The following CSMD1 variants were observed in gnomAD, a reference collection of about 807,000 sequenced individuals.
The protein encoded by CSMD1 is CUB and Sushi multiple domains 1.
A neutral mutation model predicts 417.5 loss-of-function variants in CSMD1; 213 were observed. The observed-to-expected ratio is 0.51, with a 90% CI of 0.46 to 0.57. The LOEUF is 0.57. CSMD1 is among the 20% of genes least tolerant of loss of function. The probability of loss-of-function intolerance (pLI) is 0.00; values close to 1 mark genes in which losing one functional copy is unlikely to be tolerated. For synonymous variants in CSMD1, 2,862 were observed against 1,736.8 expected, an observed-to-expected ratio of 1.65 and a Z score of -16.11; for missense variants, 6,923 against 4,529.7, an observed-to-expected ratio of 1.53 and a Z score of -15.17.
In CSMD1 at chr8:3,396,391, T is replaced by G. The variant is rs764380083; in HGVS notation, c.2406-10A>C. On this transcript the variant is annotated splice_polypyrimidine_tract_variant and intron_variant, in intron 16 of 69. Transcript: ENST00000635120. ...GACCTCTGTCTGAAATCTGCAAATA[T>G]ATACATCCCATCAGAAAAGACATGC... 5 of 1,544,838 alleles carry G rather than the reference T, an allele frequency of 3.2e-6. No individual in the cohort carries two copies. Among genetic ancestry groups the G allele is most frequent in the Non-Finnish European group, 3.5e-6 (4 of 1,144,452 alleles).
intron 3 of CSMD1, among the ~76,000 whole-genome samples, chr8:4,193,920 C>A (rs959013328): frequency 6.6e-6 from 1 of 151,722 alleles, no homozygotes; most frequent in Non-Finnish European, 1.5e-5. Flanking sequence ...GGAGAAAGTA[C>A]AATGTTTAAT....
At chr8:4,089,661 G>A (rs1800610462) in intron 3 of CSMD1, among the ~76,000 whole-genome samples, 1 of 152,072 alleles carries the variant, frequency 6.6e-6, no homozygotes, top group Admixed American at 6.6e-5. Context: ...TGTGTTAATG[G>A]GCTTAGTAAA....
chr8:4,413,322 G>T (rs548737066), intron 3 of CSMD1, among the ~76,000 whole-genome samples: 1 of 152,076 alleles, frequency 6.6e-6, no homozygotes, highest in African/African-American at 2.4e-5. Flanking sequence ...AACTACGCTC[G>T]TGGGGCTGCC....
rs185137416 is a variant in CSMD1, at chr8:4,079,205, T to G, written c.416-47106A>C. On this transcript the variant is annotated intron_variant, in intron 3 of 69. Transcript: ENST00000635120. ...GCTAATGTTTTAGTCTATAGAGACATGCCCACTGTTTGGTGGGAAACAACT... is the reference window on the plus strand; with the variant it reads ...GCTAATGTTTTAGTCTATAGAGACAGGCCCACTGTTTGGTGGGAAACAACT... Among the ~76,000 whole-genome samples the G allele has an allele frequency of 4.6e-3, 698 of 152,210 alleles. 3 individuals are homozygous for G. Among genetic ancestry groups the G allele is most frequent in the Admixed American group, 0.011 (169 of 15,278 alleles).
intron 3 of CSMD1, among the ~76,000 whole-genome samples, chr8:4,076,322 G>T (rs1307721643): frequency 2.6e-5 from 4 of 152,198 alleles, no homozygotes; most frequent in Middle Eastern, 3.2e-3. Context: ...AGGCCTCCCA[G>T]CCTTGCAGAA....
chr8:3,732,842 A>T (rs1034433271), intron 6 of CSMD1, among the ~76,000 whole-genome samples: 1 of 152,078 alleles, frequency 6.6e-6, no homozygotes, highest in South Asian at 2.1e-4. Context: ...GTGATTCAAG[A>T]CTATTTTGAA....
rs1392324658 is a variant in CSMD1 at position 4,453,810 on chromosome 8, G to GTTT, written c.303-33748_303-33746dup. ...GTTCCCGAACAAGATTGCGCAATTC[G>GTTT]TTTCTTTTTTTTTTTTTTTTTTTTT... is the stretch of plus-strand genomic sequence containing the variant. On this transcript the variant is annotated intron_variant, in intron 2 of 69. Coordinates refer to ENST00000635120, the MANE Select transcript of CSMD1 (RefSeq NM_033225.6). Among the ~76,000 whole-genome samples the GTTT allele has an allele frequency of 1.3e-3, 122 of 92,998 alleles. 3 individuals are homozygous for GTTT. The highest frequency in any genetic ancestry group is 2.8e-3 in the African/African-American group (72 of 25,790). 61.0% of individuals were successfully genotyped at this position (92,998 alleles called of 152,430 possible).
intron 12 of CSMD1, among the ~76,000 whole-genome samples, chr8:3,415,664 A>G (rs1192077066): frequency 2.0e-5 from 3 of 152,146 alleles, no homozygotes; most frequent in Non-Finnish European, 4.4e-5. Context: ...CTGGCCTTGT[A>G]TGTCACATTT....
intron 5 of CSMD1, among the ~76,000 whole-genome samples, chr8:3,899,509 T>A (rs1807586381): frequency 6.6e-6 from 1 of 152,170 alleles, no homozygotes; most frequent in Admixed American, 6.5e-5. Flanking sequence ...GACCCTCATT[T>A]TGGATGCTGT....
At chr8:3,337,685 G>A (rs377050387) in intron 23 of CSMD1, among the ~76,000 whole-genome samples, 16 of 152,290 alleles carry the variant, frequency 1.1e-4, no homozygotes, top group African/African-American at 1.7e-4. Context: ...CCAGTCTTGC[G>A]TCTGCTGAGA....
chr8:3,480,591 G>C (rs578044239), intron 11 of CSMD1, among the ~76,000 whole-genome samples: 3 of 152,092 alleles, frequency 2.0e-5, no homozygotes, highest in South Asian at 4.2e-4. Context: ...AAAAATCTAA[G>C]TTAACCTCTC....
chr8:3,684,879 G>A (rs745319941), intron 7 of CSMD1, among the ~76,000 whole-genome samples: 2 of 151,948 alleles, frequency 1.3e-5, no homozygotes, highest in Non-Finnish European at 2.9e-5. Flanking sequence ...ATACTTTATT[G>A]CAGTTCTAAA....
intron 7 of CSMD1, among the ~76,000 whole-genome samples, chr8:3,643,122 T>C (rs993186266): frequency 6.6e-6 from 1 of 151,540 alleles, no homozygotes; most frequent in South Asian, 2.1e-4. Flanking sequence ...CAAAAGACAA[T>C]TTAACAGTCA....
chr8:3,916,028 A>G (rs940682237), intron 5 of CSMD1, among the ~76,000 whole-genome samples: 1 of 151,738 alleles, frequency 6.6e-6, no homozygotes, highest in African/African-American at 2.4e-5. Context: ...GTCACTGCAG[A>G]CACAAGACAA....
At chr8:3,784,723 A>G (rs1031579714) in intron 5 of CSMD1, among the ~76,000 whole-genome samples, 8 of 152,224 alleles carry the variant, frequency 5.3e-5, no homozygotes, top group Non-Finnish European at 1.2e-4. Flanking sequence ...CTATAAACAA[A>G]TGGTGGCAGA....
intron 30 of CSMD1, among the ~76,000 whole-genome samples, chr8:3,208,465 C>A (rs183357077): frequency 6.6e-6 from 1 of 152,260 alleles, no homozygotes; most frequent in African/African-American, 2.4e-5. Context: ...TGGGATTTCA[C>A]CATGTTGGCT....
intron 32 of CSMD1, 73 bp from the exon 33 acceptor site, chr8:3,199,882 T>C: frequency 2.4e-6 from 2 of 836,998 alleles, no homozygotes; most frequent in Admixed American, 2.7e-5. Context: ...TGGAAAATGG[T>C]GATAAAGTTG....
In CSMD1 at chr8:3,957,241, C is replaced by G. The variant is rs79771317; in HGVS notation, c.818+40662G>C. Reference sequence around the variant, plus strand: ...ACAGAAATATAGGAGCAAAGACAGTCTTTGTGTGTAGGTTTCACTATCGCA... The same window carrying G: ...ACAGAAATATAGGAGCAAAGACAGTGTTTGTGTGTAGGTTTCACTATCGCA... On this transcript the variant is annotated intron_variant, in intron 5 of 69. Transcript: ENST00000635120. Among the ~76,000 whole-genome samples, 769 of 152,312 alleles carry G rather than the reference C, an allele frequency of 5.0e-3. 1 individual carries two copies. Among genetic ancestry groups the G allele is most frequent in the Non-Finnish European group, 7.8e-3 (532 of 68,020 alleles).
chr8:4,535,690 C>T (rs1035976978), intron 2 of CSMD1, among the ~76,000 whole-genome samples: 1 of 152,152 alleles, frequency 6.6e-6, no homozygotes, highest in Non-Finnish European at 1.5e-5. Context: ...GAGCCCTGAT[C>T]TCTTTATTTA....
Sources: allele counts gnomAD v4.1 joint callset (sites outside exome capture counted in the v4.1 genomes callset), GRCh38; gene constraint gnomAD v4.1.1; transcripts MANE v1.5; gene names NCBI Gene and HGNC (gene_info 2026-07-23, HGNC 2026-07-21).